The following NAV3 variants were observed in gnomAD, a reference collection of about 807,000 sequenced individuals.
NAV3 encodes the protein neuron navigator 3, also known as pore membrane and/or filament interacting like protein 1.
Under a neutral mutation model 244.7 loss-of-function variants are expected in NAV3, and 87 were observed. That is an observed-to-expected ratio of 0.36 (90% CI 0.30 to 0.42). The LOEUF (loss-of-function observed/expected upper bound fraction) is 0.42, where lower values mean the gene tolerates loss of function less well. Ranked by LOEUF, NAV3 falls within the 20% of genes least tolerant of loss-of-function variation. The probability of loss-of-function intolerance (pLI) is 1.00; values close to 1 mark genes in which losing one functional copy is unlikely to be tolerated. For missense variants in NAV3, 2,663 were observed against 2,893.3 expected, an observed-to-expected ratio of 0.92 and a Z score of 1.83; for synonymous variants, 1,126 against 1,042.2, an observed-to-expected ratio of 1.08 and a Z score of -1.55.
intron 2 of NAV3, among the ~76,000 whole-genome samples, chr12:77,597,012 C>T (rs1191026222): frequency 6.6e-6 from 1 of 152,042 alleles, no homozygotes; most frequent in Non-Finnish European, 1.5e-5. Context: ...CTTTGCCAAG[C>T]CAAGAGAATG....
chr12:78,168,674 A>T, intron 23 of NAV3, 81 bp from the exon 24 acceptor site: 1 of 877,578 alleles, frequency 1.1e-6, no homozygotes, highest in Non-Finnish European at 1.8e-6. Context: ...ATAAAATCAA[A>T]CCTTTTTAAT....
chr12:77,858,803 C>T (rs1260051893), intron 1 of NAV3, among the ~76,000 whole-genome samples: 1 of 152,088 alleles, frequency 6.6e-6, no homozygotes, highest in Non-Finnish European at 1.5e-5. Context: ...ATCCATATAA[C>T]AATAACTGTT....
chr12:77,702,229 G>T (rs1875594428), intron 2 of NAV3, among the ~76,000 whole-genome samples: 1 of 151,948 alleles, frequency 6.6e-6, no homozygotes, highest in South Asian at 2.1e-4. Flanking sequence ...ATCTCTTGTA[G>T]TACTTTCTGC....
At chr12:77,721,237 C>T (rs1199845979) in intron 2 of NAV3, among the ~76,000 whole-genome samples, 1 of 152,016 alleles carries the variant, frequency 6.6e-6, no homozygotes, top group Non-Finnish European at 1.5e-5. Flanking sequence ...ATCTGTAAAA[C>T]AACAAATTAA....
intron 2 of NAV3, among the ~76,000 whole-genome samples, chr12:77,599,227 C>A (rs1326418105): frequency 6.6e-6 from 1 of 151,918 alleles, no homozygotes; most frequent in Non-Finnish European, 1.5e-5. Flanking sequence ...GCACAATATT[C>A]AATATTCCAT....
chr12:77,868,220 AAACAAC>A (rs3078775), intron 1 of NAV3, among the ~76,000 whole-genome samples: 1 of 151,396 alleles, frequency 6.6e-6, no homozygotes, highest in African/African-American at 2.4e-5. Context: ...GGCCCTCCTA[AAACAAC>A]AACAACAACA....
intron 3 of NAV3, chr12:77,947,363 G>T (rs1890451879): frequency 6.7e-6 from 1 of 148,386 alleles, no homozygotes; most frequent in African/African-American, 2.5e-5. Flanking sequence ...GTCCTTTAAA[G>T]TTTTATTTTT....
At position 78,021,773 on chromosome 12, in the gene NAV3, C is replaced by G; in HGVS notation, c.1934C>G (p.Ala645Gly). 9 of 1,609,462 alleles carry G rather than the reference C, an allele frequency of 5.6e-6. No individual in the cohort carries two copies. The highest frequency in any genetic ancestry group is 7.6e-6 in the Non-Finnish European group (9 of 1,177,312). ...GCACATTCAGAAAATGAAGGTACCG[C>G]TTTACCATCGGCTGACTCCTGTACC... ...YRAHSENEGT[A>G]LPSADSCTSP... is the part of the protein sequence containing the mutation. The change falls in exon 9 of 40, where the codon GCT (alanine) becomes GGT (glycine). Residue 645 changes from alanine (A) to glycine (G), a missense_variant. Transcript: ENST00000397909.
At chr12:77,582,554 T>C (rs193102998) in intron 2 of NAV3, among the ~76,000 whole-genome samples, 148 of 152,330 alleles carry the variant, frequency 9.7e-4, no homozygotes, top group African/African-American at 3.4e-3. Context: ...GGAAAATGTA[T>C]TGTAGAAACC....
intron 2 of NAV3, among the ~76,000 whole-genome samples, chr12:77,639,566 T>C (rs1039067241): frequency 2.6e-5 from 4 of 152,208 alleles, no homozygotes; most frequent in Admixed American, 6.5e-5. Context: ...GGTTGGCTCA[T>C]GCTGCAAAGT....
At chr12:77,873,744 G>GTGTATGTATATATATA (rs776225440) in intron 1 of NAV3, among the ~76,000 whole-genome samples, 1 of 73,182 alleles carries the variant, frequency 1.4e-5, no homozygotes, top group African/African-American at 4.5e-5. Flanking sequence ...ATGTGTGTGT[G>GTGTATGTATATATATA]TATATATATA....
rs563104884 is a variant in NAV3, at chr12:78,177,630, G to T, written c.5308G>T (p.Val1770Phe). Residue 1770 changes from valine to phenylalanine, a missense_variant, in exon 28 of 40, where the codon GTC (valine) becomes TTC (phenylalanine). This residue lies in a region of NAV3 where 193 missense variants were observed against 200.7 expected (regional missense o/e 0.96). Coordinates refer to ENST00000397909, the MANE Select transcript of NAV3 (RefSeq NM_001024383.2). ...PSQSASASPL[V>F]WPPKKRQNGP... ...TGTATGTACATACAGGTCACCCCTT[G>T]TCTGGCCACCAAAGAAACGACAAAA... The T allele has an allele frequency of 5.0e-6, 8 of 1,597,042 alleles. No homozygotes were observed. The Admixed American group carries it at 1.2e-4, about 23-fold the overall frequency.
In NAV3 at chr12:78,079,379, A is replaced by G. The variant is rs901183267; in HGVS notation, c.2636+20264A>G. Among the ~76,000 whole-genome samples the G allele has an allele frequency of 2.6e-5, 4 of 152,316 alleles. 1 individual carries two copies. The highest frequency in any genetic ancestry group is 6.8e-3 in the Middle Eastern group (2 of 294). On this transcript the variant is annotated intron_variant, in intron 12 of 39. Coordinates refer to ENST00000397909, the MANE Select transcript of NAV3 (RefSeq NM_001024383.2). ...TTAAAACAAAGCATGATTATTTCTTATCTCTGAAGTTTTATTAGCCTGCTA... is the reference window on the plus strand; with the variant it reads ...TTAAAACAAAGCATGATTATTTCTTGTCTCTGAAGTTTTATTAGCCTGCTA...
At chr12:77,947,953 G>T (rs535920096) in intron 3 of NAV3, among the ~76,000 whole-genome samples, 16 of 152,058 alleles carry the variant, frequency 1.1e-4, no homozygotes, top group African/African-American at 3.6e-4. Context: ...TTCCAATTTT[G>T]TATGTATGAC....
chr12:77,960,268 C>T (rs1891765489), intron 3 of NAV3, among the ~76,000 whole-genome samples: 1 of 151,886 alleles, frequency 6.6e-6, no homozygotes. Context: ...AATTATTTCT[C>T]TTTTTTATTT....
At chr12:77,595,048 C>T (rs953327243) in intron 2 of NAV3, among the ~76,000 whole-genome samples, 3 of 152,112 alleles carry the variant, frequency 2.0e-5, no homozygotes, top group African/African-American at 7.2e-5. Flanking sequence ...AGCAATCCCT[C>T]TTCTAGGTAT....
chr12:78,114,048 G>A (rs1955242224), intron 12 of NAV3, among the ~76,000 whole-genome samples: 1 of 152,088 alleles, frequency 6.6e-6, no homozygotes, highest in African/African-American at 2.4e-5. Flanking sequence ...TCTAGGGCAG[G>A]GGCAAAATGC....
chr12:78,014,915 C>T (rs1432031870), intron 8 of NAV3, among the ~76,000 whole-genome samples: 1 of 152,008 alleles, frequency 6.6e-6, no homozygotes, highest in African/African-American at 2.4e-5. Context: ...GGCTTGCAAG[C>T]TCGTCTTTTG....
At chr12:77,723,550 C>G (rs909561498) in intron 2 of NAV3, among the ~76,000 whole-genome samples, 1 of 151,814 alleles carries the variant, frequency 6.6e-6, no homozygotes, top group African/African-American at 2.4e-5. Context: ...AAATACATTT[C>G]AAGTTATGAC....
Sources: gnomAD v4.1 joint callset for allele counts (sites outside exome capture counted in the v4.1 genomes callset) on GRCh38, gnomAD v4.1.1 for gene constraint, gnomAD v4.1.1 regional missense constraint, MANE v1.5 for transcripts, NCBI Gene and HGNC (gene_info 2026-07-23, HGNC 2026-07-21) for gene names.